Variants in STOX1 observed in about 807,000 individuals in gnomAD.
STOX1 encodes storkhead-box protein 1.
A neutral mutation model predicts 74.8 loss-of-function variants in STOX1; 57 were observed. The ratio of observed to expected loss-of-function variants is 0.76; its 90% CI spans 0.62 to 0.95. The LOEUF (loss-of-function observed/expected upper bound fraction) is 0.95. Ranked by LOEUF, STOX1 falls within the 40% of genes least tolerant of loss-of-function variation. The pLI is 0.00. For synonymous variants in STOX1, 375 were observed against 401.3 expected (o/e 0.93, Z 0.78); for missense variants, 1,010 against 1,117.0 (o/e 0.90, Z 1.37).
In STOX1 at chr10:68,884,587, T is replaced by G; in HGVS notation, c.791T>G (p.Val264Gly). 1 of 1,613,788 alleles carries G rather than the reference T, an allele frequency of 6.2e-7. No homozygotes were observed. The highest frequency in any genetic ancestry group is 8.5e-7 in the Non-Finnish European group (1 of 1,180,020). The change falls in exon 3 of 4, where the codon GTG becomes GGG. Residue 264 changes from valine to glycine, a missense_variant. Physicochemically the swap from Val to Gly is moderately radical, Grantham distance 109. Transcript: ENST00000298596. ...CAGGAAGCACCAGTTGCTGCAGAAG[T>G]GACTAGGAAGAGTCACAGAGGTCTT... Reference protein sequence around the residue: ...DVQEAPVAAEVTRKSHRGLGE... With the variant: ...DVQEAPVAAEGTRKSHRGLGE...
At chr10:68,891,647 C>T (rs1841100488) in intron 3 of STOX1, among the ~76,000 whole-genome samples, 1 of 151,754 alleles carries the variant, frequency 6.6e-6, no homozygotes, top group South Asian at 2.1e-4. Flanking sequence ...ACTAAAAATA[C>T]AAAAATTAGC....
intron 1 of STOX1, among the ~76,000 whole-genome samples, chr10:68,837,255 A>G (rs1015034406): frequency 1.3e-5 from 2 of 152,234 alleles, no homozygotes; most frequent in African/African-American, 4.8e-5. Flanking sequence ...TGATGCCTAA[A>G]CTAAGATACA....
intron 1 of STOX1, among the ~76,000 whole-genome samples, chr10:68,828,526 C>T (rs1427786168): frequency 6.6e-6 from 1 of 152,150 alleles, no homozygotes; most frequent in Non-Finnish European, 1.5e-5. Context: ...GAGTCCGTTC[C>T]TCAACTCTTA....
At chr10:68,895,329 G>A (rs1841172103), downstream of STOX1, 1 of 152,116 alleles carries the variant, frequency 6.6e-6, no homozygotes, top group South Asian at 2.1e-4. Context: ...TGTTTTAAAG[G>A]AATGTATTAA....
chr10:68,832,248 G>A (rs1564567596), intron 1 of STOX1, among the ~76,000 whole-genome samples: 1 of 152,148 alleles, frequency 6.6e-6, no homozygotes, highest in Non-Finnish European at 1.5e-5. Flanking sequence ...TACACCTAAC[G>A]GGACAGGAAA....
intron 1 of STOX1, among the ~76,000 whole-genome samples, chr10:68,873,202 A>G (rs561191229): frequency 6.7e-5 from 10 of 149,602 alleles, no homozygotes; most frequent in African/African-American, 2.5e-4. Flanking sequence ...GGATTCTTTT[A>G]CTTCTGAGAC....
intron 1 of STOX1, among the ~76,000 whole-genome samples, chr10:68,844,683 A>G (rs1839789933): frequency 6.6e-6 from 1 of 152,168 alleles, no homozygotes; most frequent in African/African-American, 2.4e-5. Flanking sequence ...ATTTCTTCAT[A>G]TATTTTAGAT....
chr10:68,864,367 C>T (rs546733350), intron 1 of STOX1, among the ~76,000 whole-genome samples: 1 of 152,202 alleles, frequency 6.6e-6, no homozygotes, highest in African/African-American at 2.4e-5. Context: ...AAGGAGAATC[C>T]AATTAGTTAA....
chr10:68,849,943 G>A (rs1331722238), intron 1 of STOX1, among the ~76,000 whole-genome samples: 14 of 152,286 alleles, frequency 9.2e-5, no homozygotes, highest in African/African-American at 3.1e-4. Flanking sequence ...TGTGGGTCAT[G>A]TAAAATGGCC....
At chr10:68,876,242 C>T (rs1475782573) in intron 1 of STOX1, among the ~76,000 whole-genome samples, 2 of 151,836 alleles carry the variant, frequency 1.3e-5, no homozygotes, top group Non-Finnish European at 2.9e-5. Context: ...ACCGCAACCT[C>T]TGCCTTCCGG....
At chr10:68,845,876 A>G (rs1309226648) in intron 1 of STOX1, among the ~76,000 whole-genome samples, 1 of 151,772 alleles carries the variant, frequency 6.6e-6, no homozygotes, top group Non-Finnish European at 1.5e-5. Context: ...TGCTGGGATT[A>G]TAGGTGTGAC....
At chr10:68,873,196 T>C (rs1840577541) in intron 1 of STOX1, among the ~76,000 whole-genome samples, 1 of 151,820 alleles carries the variant, frequency 6.6e-6, no homozygotes, top group Non-Finnish European at 1.5e-5. Context: ...TGATAAGGAT[T>C]CTTTTACTTC....
chr10:68,840,510 C>T (rs1839665040), intron 1 of STOX1, among the ~76,000 whole-genome samples: 1 of 151,914 alleles, frequency 6.6e-6, no homozygotes, highest in African/African-American at 2.4e-5. Context: ...TGAGCCACTG[C>T]TCCCGGCCCA....
intron 3 of STOX1, among the ~76,000 whole-genome samples, chr10:68,888,627 A>ATTTTTTTTTTTTTT (rs747038041): frequency 9.3e-6 from 1 of 107,832 alleles, no homozygotes; most frequent in African/African-American, 3.8e-5. Flanking sequence ...CTTTGCCAGT[A>ATTTTTTTTTTTTTT]TTTTTTTTTT....
At position 68,839,191 on chromosome 10, in the gene STOX1, G is replaced by A. The variant is rs548721146; in HGVS notation, c.310+11258G>A. Among the ~76,000 whole-genome samples, 184 of 152,154 alleles carry A rather than the reference G, an allele frequency of 1.2e-3. 1 individual carries two copies. Among genetic ancestry groups the A allele is most frequent in the African/African-American group, 4.1e-3 (171 of 41,508 alleles). On this transcript the variant is annotated intron_variant, in intron 1 of 3. Coordinates refer to ENST00000298596, the MANE Select transcript of STOX1 (RefSeq NM_152709.5). ...AATAGGAAAAACAATTCTAAAATTC[G>A]TATGGACTCACACAGGATCCCAAAA...
chr10:68,885,697 C>T lies in STOX1; in HGVS notation c.1901C>T (p.Thr634Ile). ...SHSHFDKLGE[T>I]KQTPHSLPSR... ...TCCCACTTTGACAAATTAGGGGAGA[C>T]CAAACAGACTCCGCATAGTCTGCCA... is the stretch of plus-strand genomic sequence containing the variant. The change falls in exon 3 of 4, where the codon ACC becomes ATC. Residue 634 changes from threonine to isoleucine, a missense_variant. Coordinates refer to ENST00000298596, the MANE Select transcript of STOX1 (RefSeq NM_152709.5). 1 of 1,614,098 alleles carries T rather than the reference C, an allele frequency of 6.2e-7. No homozygotes were observed. Among genetic ancestry groups the T allele is most frequent in the South Asian group, 1.1e-5 (1 of 91,082 alleles).
At chr10:68,894,632 A>C (rs936753811), downstream of STOX1, among the ~76,000 whole-genome samples, 1 of 152,182 alleles carries the variant, frequency 6.6e-6, no homozygotes, top group Non-Finnish European at 1.5e-5. Flanking sequence ...TATAGAAAAG[A>C]CTTGTAGGGG....
chr10:68,888,077 GCACACACGCA>G (rs1243312008), intron 3 of STOX1, among the ~76,000 whole-genome samples: 2 of 151,020 alleles, frequency 1.3e-5, no homozygotes, highest in East Asian at 3.9e-4. Context: ...ACACACGCGC[GCACACACGCA>G]CACACACGCG....
intron 1 of STOX1, among the ~76,000 whole-genome samples, chr10:68,843,535 G>GT (rs1327954552): frequency 5.3e-5 from 8 of 151,814 alleles, no homozygotes; most frequent in Non-Finnish European, 1.0e-4. Context: ...TTTGTTACCG[G>GT]TTTTTTTGTT....
Sources: gnomAD v4.1 joint callset for allele counts (sites outside exome capture counted in the v4.1 genomes callset) on GRCh38, gnomAD v4.1.1 for gene constraint, MANE v1.5 for transcripts, NCBI Gene and HGNC (gene_info 2026-07-23, HGNC 2026-07-21) for gene names.